Variants in DOCK4 observed in about 807,000 individuals in gnomAD.
DOCK4 encodes the protein dedicator of cytokinesis protein 4.
A neutral mutation model predicts 268.1 loss-of-function variants in DOCK4; 97 were observed. The ratio of observed to expected loss-of-function variants is 0.36; its 90% confidence interval spans 0.31 to 0.43. The LOEUF (loss-of-function observed/expected upper bound fraction) is 0.43, where lower values mean the gene tolerates loss of function less well. Among genes scored for constraint, DOCK4 ranks in the 20% least tolerant of loss-of-function variants. DOCK4 has a pLI of 1.00. For missense variants in DOCK4, 2,145 were observed against 2,455.7 expected (o/e 0.87, Z 2.67); for synonymous variants, 954 against 887.2 (o/e 1.08, Z -1.34).
At position 111,762,762 on chromosome 7, in the gene DOCK4, C is replaced by CTTTTTTTTTTTTTTTTTTTTTTTTTTTT. The variant is rs869052136; in HGVS notation, c.4020+2355_4020+2356insAAAAAAAAAAAAAAAAAAAAAAAAAAAA. On this transcript the variant is annotated intron_variant, in intron 39 of 52. Transcript: ENST00000428084. ...TAAATAACCCATTTTGTTTTGTTTT[C>CTTTTTTTTTTTTTTTTTTTTTTTTTTTT]TTTTTTTTTTTTTTTTTTTTTTTTG... Among the ~76,000 whole-genome samples the CTTTTTTTTTTTTTTTTTTTTTTTTTTTT allele has an allele frequency of 3.3e-3, 207 of 63,060 alleles. 38 individuals carry two copies. Among genetic ancestry groups the CTTTTTTTTTTTTTTTTTTTTTTTTTTTT allele is most frequent in the African/African-American group, 5.8e-3 (107 of 18,366 alleles). 41.4% of individuals were successfully genotyped at this position (63,060 alleles called of 152,430 possible). A position where few individuals can be genotyped will look rare whatever the true frequency, so the allele number is the denominator to read the frequency against.
intron 25 of DOCK4, among the ~76,000 whole-genome samples, chr7:111,835,600 G>A (rs972570662): frequency 1.4e-4 from 21 of 152,168 alleles, no homozygotes; most frequent in African/African-American, 5.1e-4. Flanking sequence ...CTTTTAAACA[G>A]AGTAATAACA....
rs58938757 is a variant in DOCK4, at chr7:111,905,710, T to TGTGTGTGC, written c.1193-3910_1193-3909insGCACACAC. On this transcript the variant is annotated intron_variant, in intron 13 of 52. Transcript: ENST00000428084. ...GTGTGTGTGTGTGTGTGTGTGTGTGTGCACGTGTATTGCGTATACACACAC... is the reference window on the plus strand; with the variant it reads ...GTGTGTGTGTGTGTGTGTGTGTGTGTGTGTGTGCGCACGTGTATTGCGTATACACACAC... 3.0e-3 allele frequency among the ~76,000 whole-genome samples: 453 copies of TGTGTGTGC among 151,864 alleles called. 2 individuals carry two copies. Among genetic ancestry groups the TGTGTGTGC allele is most frequent in the African/African-American group, 0.01 (418 of 41,290 alleles).
At chr7:111,976,269 T>A (rs1169114397) in intron 8 of DOCK4, among the ~76,000 whole-genome samples, 45 of 33,136 alleles carry the variant, frequency 1.4e-3, no homozygotes, top group South Asian at 6.0e-3. Context: ...TGTGTGTCTA[T>A]TATATATATA....
chr7:111,763,982 C>T (rs1484511033), intron 39 of DOCK4, among the ~76,000 whole-genome samples: 2 of 152,152 alleles, frequency 1.3e-5, no homozygotes, highest in Non-Finnish European at 2.9e-5. Flanking sequence ...GCCACTGTGC[C>T]CACTTGCTGC....
At chr7:111,793,268 G>A (rs1481643836) in intron 30 of DOCK4, among the ~76,000 whole-genome samples, 2 of 152,228 alleles carry the variant, frequency 1.3e-5, no homozygotes, top group African/African-American at 2.4e-5. Context: ...CAGTGTGAGA[G>A]AAGAGAATTT....
chr7:111,782,995 G>T, intron 34 of DOCK4, 71 bp from the exon 35 acceptor site: 2 of 1,342,302 alleles, frequency 1.5e-6, no homozygotes, highest in Non-Finnish European at 2.1e-6. Flanking sequence ...GTTCTTTTTG[G>T]GGGAAAAAAA....
At chr7:112,020,969 C>T (rs550992551) in intron 1 of DOCK4, among the ~76,000 whole-genome samples, 17 of 152,318 alleles carry the variant, frequency 1.1e-4, no homozygotes, top group African/African-American at 3.6e-4. Context: ...GCCCATTTCT[C>T]CCCAGAGTTC....
chr7:111,857,385 T>C (rs1805098123), intron 23 of DOCK4, among the ~76,000 whole-genome samples: 1 of 152,192 alleles, frequency 6.6e-6, no homozygotes. Flanking sequence ...ACAATTACTC[T>C]TGACTACTTA....
rs760825737 is a variant in DOCK4 at position 111,783,932 on chromosome 7, C to A, written c.3449G>T (p.Arg1150Leu). The A allele has an allele frequency of 1.9e-6, 3 of 1,605,682 alleles. No individual in the cohort carries two copies. The highest frequency in any genetic ancestry group is 2.6e-6 in the Non-Finnish European group (3 of 1,175,924). Reference protein sequence around the residue: ...PYPSLLKKIERETWRESGVSL... With the variant: ...PYPSLLKKIELETWRESGVSL... Reference sequence around the variant, plus strand: ...AACGCCACTTTCCCGCCATGTTTCCCGCTCAATTTTCTTTAGTAGACTGGA... The same window carrying A: ...AACGCCACTTTCCCGCCATGTTTCCAGCTCAATTTTCTTTAGTAGACTGGA... The change falls in exon 34 of 53, where the codon CGG (arginine) becomes CTG (leucine). Residue 1150 changes from arginine to leucine, a missense_variant. Coordinates refer to ENST00000428084, the MANE Select transcript of DOCK4 (RefSeq NM_001363540.2).
At chr7:112,194,398 C>T (rs544605814) in intron 1 of DOCK4, among the ~76,000 whole-genome samples, 30 of 152,302 alleles carry the variant, frequency 2.0e-4, no homozygotes, top group African/African-American at 7.0e-4. Flanking sequence ...TTAGAGCTCC[C>T]TTTCAAAGGC....
rs1431867559 is a variant in DOCK4, at chr7:111,727,751, C to T, written c.*523G>A. 6.6e-6 allele frequency: 1 copy of T among 152,350 alleles called. No individual in the cohort carries two copies. The highest frequency in any genetic ancestry group is 2.4e-5 in the African/African-American group (1 of 41,462). The allele number at this position is 152,350 out of a possible 1,614,324, so 9.4% of individuals were successfully genotyped here. ...GAACAAAACAATTTCCAGTCCCAAG[C>T]TTTGCAACCCCTTAAGTATACTGTC... is the stretch of plus-strand genomic sequence containing the variant. On this transcript the variant is annotated 3_prime_UTR_variant, in exon 53 of 53. Coordinates refer to ENST00000428084, the MANE Select transcript of DOCK4 (RefSeq NM_001363540.2).
At chr7:112,049,699 G>A (rs1410267018) in intron 1 of DOCK4, among the ~76,000 whole-genome samples, 1 of 152,130 alleles carries the variant, frequency 6.6e-6, no homozygotes, top group Non-Finnish European at 1.5e-5. Context: ...CCAAAAGAAA[G>A]CTGGAGTAGT....
At chr7:111,760,152 C>T (rs1327257215) in intron 40 of DOCK4, 29 bp downstream of exon 40, 4 of 1,609,668 alleles carry the variant, frequency 2.5e-6, no homozygotes, top group Non-Finnish European at 3.4e-6. Flanking sequence ...TGCAATCTCA[C>T]TGAGTCCAGC....
chr7:112,206,294 G>C lies in DOCK4; in HGVS notation c.-156C>G. On this transcript the variant is annotated 5_prime_UTR_variant, in exon 1 of 53. Coordinates refer to ENST00000428084, the MANE Select transcript of DOCK4 (RefSeq NM_001363540.2). ...GGCAGGATCTGCGCTGGAGGCTCCC[G>C]AGCCCAGCGTTGACACTGCGCCGCC... 2 of 789,104 alleles carry C rather than the reference G, an allele frequency of 2.5e-6. No individual in the cohort carries two copies. Among genetic ancestry groups the C allele is most frequent in the South Asian group, 3.6e-5 (2 of 55,812 alleles). 48.9% of individuals were successfully genotyped at this position (789,104 alleles called of 1,614,324 possible).
chr7:112,141,726 G>A (rs941515697), intron 1 of DOCK4, among the ~76,000 whole-genome samples: 4 of 152,122 alleles, frequency 2.6e-5, no homozygotes, highest in Non-Finnish European at 4.4e-5. Context: ...AATGTTAATG[G>A]GGGCCTGGCA....
At chr7:112,191,751 C>G (rs1819972204) in intron 1 of DOCK4, among the ~76,000 whole-genome samples, 1 of 151,846 alleles carries the variant, frequency 6.6e-6, no homozygotes, top group Non-Finnish European at 1.5e-5. Context: ...CAGGTGGGTC[C>G]CCTGCAACAA....
intron 12 of DOCK4, among the ~76,000 whole-genome samples, chr7:111,931,251 G>A (rs1036510426): frequency 5.9e-5 from 9 of 152,188 alleles, no homozygotes; most frequent in Non-Finnish European, 8.8e-5. Flanking sequence ...AGAGGAAGGG[G>A]AAACCTTTTT....
chr7:111,852,365 C>T (rs905147040), intron 23 of DOCK4, among the ~76,000 whole-genome samples: 2 of 152,106 alleles, frequency 1.3e-5, no homozygotes, highest in African/African-American at 4.8e-5. Context: ...CACAGGCATT[C>T]TATACATTAA....
At chr7:112,081,293 A>G (rs1323893310) in intron 1 of DOCK4, among the ~76,000 whole-genome samples, 1 of 152,156 alleles carries the variant, frequency 6.6e-6, no homozygotes, top group East Asian at 1.9e-4. Context: ...GCTACTTCTC[A>G]GGGCTCTAAG....
Sources: gnomAD v4.1 joint callset for allele counts (sites outside exome capture counted in the v4.1 genomes callset) on GRCh38, gnomAD v4.1.1 for gene constraint, MANE v1.5 for transcripts, NCBI Gene and HGNC (gene_info 2026-07-23, HGNC 2026-07-21) for gene names.